ANK3: variants seen among roughly 807,000 people sequenced by gnomAD.
ANK3 encodes the protein ankyrin 3, also known as ankyrin-3.
In ANK3, 57 loss-of-function variants were observed where a neutral mutation model predicts 370.9. The ratio of observed to expected loss-of-function variants is 0.15; its 90% confidence interval spans 0.12 to 0.19. ANK3 has a LOEUF of 0.19. Ranked by LOEUF, ANK3 falls within the 10% of genes least tolerant of loss-of-function variation. The pLI, the probability that ANK3 is intolerant of heterozygous loss-of-function variation, is 1.00. For missense variants in ANK3, 4,439 were observed against 5,302.1 expected, an observed-to-expected ratio of 0.84 and a Z score of 5.06; for synonymous variants, 1,929 against 1,946.3, an observed-to-expected ratio of 0.99 and a Z score of 0.23.
intron 43 of ANK3, among the ~76,000 whole-genome samples, chr10:60,032,276 G>A (rs983784278): frequency 7.3e-6 from 1 of 137,012 alleles, no homozygotes; most frequent in Admixed American, 8.1e-5. Flanking sequence ...GCATGATCAC[G>A]GCTAACTGCA....
At chr10:60,118,829 C>T (rs182231830) in intron 25 of ANK3, among the ~76,000 whole-genome samples, 1 of 152,280 alleles carries the variant, frequency 6.6e-6, no homozygotes, top group East Asian at 1.9e-4. Flanking sequence ...TAGAAACATG[C>T]ACTGGTGCCA....
intron 1 of ANK3, among the ~76,000 whole-genome samples, chr10:60,385,380 T>C (rs2062108687): frequency 1.3e-5 from 2 of 151,906 alleles, no homozygotes. Flanking sequence ...GTGAGGGTCT[T>C]TCTGTGGGCT....
chr10:60,495,303 T>C (rs1441356299), intron 2 of ANK3, among the ~76,000 whole-genome samples: 1 of 152,180 alleles, frequency 6.6e-6, no homozygotes, highest in African/African-American at 2.4e-5. Context: ...ACTCAAAATG[T>C]GGTCCAGGGA....
chr10:60,113,192 G>GTT (rs372194366), intron 26 of ANK3, among the ~76,000 whole-genome samples: 8 of 148,190 alleles, frequency 5.4e-5, no homozygotes, highest in African/African-American at 1.7e-4. Flanking sequence ...ACACTGGTAT[G>GTT]TTTTTTTTTT....
In ANK3 at chr10:60,363,709, C is replaced by T. The variant is rs141713154; in HGVS notation, c.114+25716G>A. Among the ~76,000 whole-genome samples the T allele has an allele frequency of 4.6e-3, 706 of 152,212 alleles. 3 individuals are homozygous for T. The highest frequency in any genetic ancestry group is 0.017 in the African/African-American group (686 of 41,536). On this transcript the variant is annotated intron_variant, in intron 1 of 43. Transcript: ENST00000280772. ...ACATTACAATTTCCTTAAGTCACACCAATGTCAAAAGTACCAAAACAAAAC... is the reference window on the plus strand; with the variant it reads ...ACATTACAATTTCCTTAAGTCACACTAATGTCAAAAGTACCAAAACAAAAC...
At chr10:60,512,893 A>C (rs1260945442) in intron 2 of ANK3, among the ~76,000 whole-genome samples, 1 of 132,816 alleles carries the variant, frequency 7.5e-6, no homozygotes, top group African/African-American at 2.8e-5. Context: ...CCTGCCAGGT[A>C]AACTCCAAGT....
intron 16 of ANK3, among the ~76,000 whole-genome samples, chr10:60,195,066 A>G (rs112595992): frequency 1.3e-5 from 2 of 152,294 alleles, no homozygotes; most frequent in African/African-American, 4.8e-5. Context: ...AGCTGCCCCA[A>G]CATGGATTAG....
intron 24 of ANK3, among the ~76,000 whole-genome samples, chr10:60,134,671 A>T (rs923492143): frequency 6.6e-5 from 10 of 152,204 alleles, no homozygotes; most frequent in African/African-American, 2.2e-4. Context: ...GAAGAACCAG[A>T]TGATTCTAGA....
chr10:60,663,625 A>C (rs2078962817), intron 1 of ANK3, among the ~76,000 whole-genome samples: 1 of 152,222 alleles, frequency 6.6e-6, no homozygotes, highest in Non-Finnish European at 1.5e-5. Flanking sequence ...AATACGTCTG[A>C]TAATAGCATT....
intron 1 of ANK3, among the ~76,000 whole-genome samples, chr10:60,281,533 C>A (rs908560336): frequency 2.6e-5 from 4 of 152,182 alleles, no homozygotes; most frequent in Non-Finnish European, 5.9e-5. Flanking sequence ...TTGCCACAAG[C>A]CTTGTCTCAG....
Position 60,066,138 on chromosome 10 carries a change from C to T in ANK3, c.12319+1797G>A, listed in dbSNP as rs551103875. 2.0e-5 allele frequency among the ~76,000 whole-genome samples: 3 copies of T among 152,292 alleles called. No homozygotes were observed. In the South Asian group the frequency reaches 6.2e-4, roughly 32 times the overall value. On this transcript the variant is annotated intron_variant, in intron 38 of 43. Coordinates refer to ENST00000280772, the MANE Select transcript of ANK3 (RefSeq NM_020987.5). ...GAGAAGTTAATTATTTTAAGTTCTTCATCTCTGTGTCTTAAGAGACAATAC... is the reference window on the plus strand; with the variant it reads ...GAGAAGTTAATTATTTTAAGTTCTTTATCTCTGTGTCTTAAGAGACAATAC...
chr10:60,255,823 A>C (rs1450941755), intron 7 of ANK3, among the ~76,000 whole-genome samples: 1 of 152,232 alleles, frequency 6.6e-6, no homozygotes, highest in Non-Finnish European at 1.5e-5. Flanking sequence ...AATCAAAGCT[A>C]GTTCCCCAGG....
At chr10:60,099,595 T>A (rs577438864) in intron 28 of ANK3, among the ~76,000 whole-genome samples, 3 of 152,330 alleles carry the variant, frequency 2.0e-5, no homozygotes, top group African/African-American at 7.2e-5. Context: ...TACATTTGTT[T>A]ACTTTTCCAT....
intron 2 of ANK3, among the ~76,000 whole-genome samples, chr10:60,469,297 A>ACATATACCACTTTTAGTG (rs1376246552): frequency 7.5e-5 from 11 of 147,608 alleles, no homozygotes; most frequent in Admixed American, 2.0e-4. Flanking sequence ...GTATATATAT[A>ACATATACCACTTTTAGTG]TATATATATA....
At chr10:60,583,651 T>C (rs994347814) in intron 2 of ANK3, among the ~76,000 whole-genome samples, 9 of 151,912 alleles carry the variant, frequency 5.9e-5, no homozygotes, top group Admixed American at 5.9e-4. Flanking sequence ...TGGCACGATC[T>C]TGGCTCACTG....
At chr10:60,479,740 C>A (rs116934723) in intron 2 of ANK3, among the ~76,000 whole-genome samples, 3,750 of 151,920 alleles carry the variant, frequency 0.025, 64 homozygotes, top group Non-Finnish European at 0.035. Context: ...AGACAGCCAA[C>A]TATGTTGGTC....
At chr10:60,593,385 C>T (rs980571444) in intron 2 of ANK3, among the ~76,000 whole-genome samples, 13 of 152,062 alleles carry the variant, frequency 8.5e-5, no homozygotes, top group African/African-American at 3.1e-4. Context: ...TGGATTTCTA[C>T]CCCAGGATAT....
At chr10:60,384,371 T>C (rs937722437) in intron 1 of ANK3, among the ~76,000 whole-genome samples, 3 of 152,232 alleles carry the variant, frequency 2.0e-5, no homozygotes, top group African/African-American at 7.2e-5. Context: ...CAATACTGAA[T>C]TAGAGACATA....
intron 2 of ANK3, among the ~76,000 whole-genome samples, chr10:60,429,020 A>G (rs1818734222): frequency 7.0e-6 from 1 of 142,920 alleles, no homozygotes; most frequent in Non-Finnish European, 1.5e-5. Flanking sequence ...TTTGGAGCCC[A>G]AAAGTTCAGT....
Sources: allele counts gnomAD v4.1 joint callset (sites outside exome capture counted in the v4.1 genomes callset), GRCh38; gene constraint gnomAD v4.1.1; transcripts MANE v1.5; gene names NCBI Gene and HGNC (gene_info 2026-07-23, HGNC 2026-07-21).